MVB12B: variants seen among roughly 807,000 people sequenced by gnomAD.
MVB12B encodes ESCRT-I complex subunit MVB12B.
A neutral mutation model predicts 41.6 loss-of-function variants in MVB12B; 16 were observed. That is an observed-to-expected ratio of 0.38 (90% confidence interval 0.26 to 0.58). MVB12B has a LOEUF of 0.58. Among genes scored for constraint, MVB12B ranks in the 20% least tolerant of loss-of-function variants. The pLI is 0.62. For synonymous variants in MVB12B, 133 were observed against 139.7 expected (o/e 0.95, Z 0.34); for missense variants, 274 against 380.2 (o/e 0.72, Z 2.32).
At chr9:126,357,694 C>T (rs1405447316) in intron 2 of MVB12B, among the ~76,000 whole-genome samples, 2 of 151,154 alleles carry the variant, frequency 1.3e-5, no homozygotes, top group Admixed American at 6.6e-5. Context: ...TTGTCTTATT[C>T]AGTTGAAAGG....
At position 126,340,426 on chromosome 9, in the gene MVB12B, T is replaced by G. The variant is rs1019998688; in HGVS notation, c.82-82T>G. The G allele has an allele frequency of 4.6e-6, 7 of 1,535,618 alleles. No individual in the cohort carries two copies. The highest frequency in any genetic ancestry group is 1.7e-5 in the Admixed American group (1 of 57,586). On this transcript the variant is annotated intron_variant, in intron 1 of 9. Transcript: ENST00000361171. This position sits in a 1 kb window ranked among gnomAD's most constrained non-coding sequence, Gnocchi z 4.0. ...AAACTCAGGGTATTTGCCCCAAGATTCTGGTTCTGTTTGAGACTTTATATT... is the reference window on the plus strand; with the variant it reads ...AAACTCAGGGTATTTGCCCCAAGATGCTGGTTCTGTTTGAGACTTTATATT...
At chr9:126,450,110 T>C (rs1832861984) in intron 7 of MVB12B, among the ~76,000 whole-genome samples, 1 of 152,232 alleles carries the variant, frequency 6.6e-6, no homozygotes, top group Non-Finnish European at 1.5e-5. Flanking sequence ...TGCAGTCAAG[T>C]TCATGTCGCA....
rs1588106561 is a variant in MVB12B, at chr9:126,361,921, A to AG, written c.205-19143_205-19142insG. Reference sequence around the variant, plus strand: ...AGAGTGAAACTCTGGAAAAAAAAAAAAAAAAAAAAAGATGTTGCTCCATTA... The same window carrying AG: ...AGAGTGAAACTCTGGAAAAAAAAAAAGAAAAAAAAAAGATGTTGCTCCATTA... On this transcript the variant is annotated intron_variant, in intron 2 of 9. Coordinates refer to ENST00000361171, the MANE Select transcript of MVB12B (RefSeq NM_033446.3). Among the ~76,000 whole-genome samples, 4 of 151,946 alleles carry AG rather than the reference A, an allele frequency of 2.6e-5. 1 individual carries two copies. The highest frequency in any genetic ancestry group is 1.3e-4 in the Admixed American group (2 of 15,282).
At chr9:126,352,615 C>T (rs1282927154) in intron 2 of MVB12B, among the ~76,000 whole-genome samples, 1 of 152,188 alleles carries the variant, frequency 6.6e-6, no homozygotes, top group East Asian at 1.9e-4. Flanking sequence ...CCATGTTGTT[C>T]CCTGGGTCAT....
At chr9:126,430,885 A>G (rs1025538013) in intron 7 of MVB12B, among the ~76,000 whole-genome samples, 2 of 152,242 alleles carry the variant, frequency 1.3e-5, no homozygotes, top group Non-Finnish European at 2.9e-5. Context: ...CAATGCTAGT[A>G]TCCATACCTT....
At chr9:126,441,834 AAG>A in intron 7 of MVB12B, among the ~76,000 whole-genome samples, 2 of 152,248 alleles carry the variant, frequency 1.3e-5, no homozygotes, top group Non-Finnish European at 2.9e-5. Context: ...TGAGCCAAAC[AAG>A]TGGACCATTA....
At chr9:126,362,759 A>G (rs1830060854) in intron 2 of MVB12B, among the ~76,000 whole-genome samples, 1 of 152,236 alleles carries the variant, frequency 6.6e-6, no homozygotes, top group Non-Finnish European at 1.5e-5. Context: ...ACGCTTCTTC[A>G]TTTGTTTTAC....
intron 1 of MVB12B, among the ~76,000 whole-genome samples, chr9:126,337,538 A>T (rs1829317285): frequency 6.6e-6 from 1 of 152,080 alleles, no homozygotes. Flanking sequence ...ATTGGATGGG[A>T]TATTGGTGCC....
intron 2 of MVB12B, among the ~76,000 whole-genome samples, chr9:126,341,450 G>A (rs935481918): frequency 1.3e-5 from 2 of 152,144 alleles, no homozygotes; most frequent in East Asian, 3.9e-4. Context: ...TGTTTGTGAC[G>A]TTTTGTTCTT....
At chr9:126,439,513 A>G (rs549270165) in intron 7 of MVB12B, among the ~76,000 whole-genome samples, 3 of 152,370 alleles carry the variant, frequency 2.0e-5, no homozygotes, top group Admixed American at 2.0e-4. Context: ...CTGGTCTTGA[A>G]GGACATTTCA....
At chr9:126,396,152 G>C (rs1247595954) in intron 6 of MVB12B, 1 of 989,524 alleles carries the variant, frequency 1.0e-6, no homozygotes, top group Non-Finnish European at 1.2e-6. Flanking sequence ...AGTAAGAAAT[G>C]GGTAGTTTGG....
chr9:126,395,751 A>G lies in MVB12B; in HGVS notation c.662+54A>G. The stretch of plus-strand genomic sequence containing the variant: ...GTCCTGTGGTCTTAGGTCCCTGCAC[A>G]ACATTTTAGAACACCACCACTTAGT... On this transcript the variant is annotated intron_variant, in intron 6 of 9. Transcript: ENST00000361171. This position sits in a 1 kb window ranked among gnomAD's most constrained non-coding sequence, Gnocchi z 4.9. 6.3e-7 allele frequency: 1 copy of G among 1,598,828 alleles called. No individual in the cohort carries two copies. Among genetic ancestry groups the G allele is most frequent in the Non-Finnish European group, 8.5e-7 (1 of 1,172,518 alleles).
At chr9:126,421,190 C>A (rs1242904235) in intron 6 of MVB12B, among the ~76,000 whole-genome samples, 1 of 152,178 alleles carries the variant, frequency 6.6e-6, no homozygotes, top group African/African-American at 2.4e-5. Flanking sequence ...GCTGAGTGTT[C>A]TTTGTGAGCT....
chr9:126,496,994 C>G (rs747626942), intron 9 of MVB12B, among the ~76,000 whole-genome samples: 1 of 152,076 alleles, frequency 6.6e-6, no homozygotes, highest in South Asian at 2.1e-4. Flanking sequence ...GGCTGGGTAC[C>G]GATGAGGATT....
chr9:126,483,879 G>A (rs941101762), intron 8 of MVB12B, 94 bp from the exon 9 acceptor site: 40 of 1,286,476 alleles, frequency 3.1e-5, no homozygotes, highest in Non-Finnish European at 3.8e-5. Flanking sequence ...AGATCACACC[G>A]TGGCTTGAGG....
chr9:126,405,967 T>C, intron 6 of MVB12B, among the ~76,000 whole-genome samples: 1 of 151,318 alleles, frequency 6.6e-6, no homozygotes, highest in East Asian at 1.9e-4. Flanking sequence ...CAGAGATAGA[T>C]ATATATGTAG....
Position 126,326,977 on chromosome 9 carries a change from GCAGCCACCGCCGCCGCCGCCC to G in MVB12B, c.53_73del (p.Pro18_Gln24del). 7.9e-6 allele frequency: 2 copies of G among 253,582 alleles called. No individual in the cohort carries two copies. The highest frequency in any genetic ancestry group is 7.9e-6 in the Non-Finnish European group (1 of 126,580). The allele number at this position is 253,582 out of a possible 1,614,324, so 15.7% of individuals were successfully genotyped here. A position where few individuals can be genotyped will look rare whatever the true frequency, so the allele number is the denominator to read the frequency against. On this transcript the variant is annotated inframe_deletion, in exon 1 of 10. Transcript: ENST00000361171. ...GACGGAGCCGGGACCCGCCGCCGCC[GCAGCCACCGCCGCCGCCGCCC>G]CAGCGGGGAACAGTTAAGTGAGGCC...
chr9:126,377,169 C>T (rs996042277), intron 2 of MVB12B, among the ~76,000 whole-genome samples: 8 of 152,190 alleles, frequency 5.3e-5, no homozygotes, highest in Non-Finnish European at 7.3e-5. Context: ...GTGTACATTC[C>T]GCCACTGCCT....
chr9:126,422,990 G>A (rs1306067819), intron 7 of MVB12B, among the ~76,000 whole-genome samples: 1 of 152,182 alleles, frequency 6.6e-6, no homozygotes, highest in East Asian at 1.9e-4. Flanking sequence ...CTCTCCAAGG[G>A]GAGAGGGAAC....
Sources: gnomAD v4.1 joint callset for allele counts (sites outside exome capture counted in the v4.1 genomes callset) on GRCh38, gnomAD v4.1.1 for gene constraint, Gnocchi (gnomAD v3.1) non-coding constraint, MANE v1.5 for transcripts, NCBI Gene and HGNC (gene_info 2026-07-23, HGNC 2026-07-21) for gene names.